GPATCH1: variants seen among roughly 807,000 people sequenced by gnomAD.
GPATCH1 encodes G patch domain-containing protein 1.
Under a neutral mutation model 114.9 loss-of-function variants are expected in GPATCH1, and 73 were observed. That is an observed-to-expected ratio of 0.64 (90% CI 0.53 to 0.77). The LOEUF is 0.77. GPATCH1 is among the 30% of genes least tolerant of loss of function. The pLI is 0.00. For synonymous variants in GPATCH1, 391 were observed against 428.4 expected (o/e 0.91, Z 1.08); for missense variants, 1,058 against 1,144.3 (o/e 0.92, Z 1.09).
intron 7 of GPATCH1, among the ~76,000 whole-genome samples, chr19:33,097,277 A>G (rs1398171509): frequency 6.6e-6 from 1 of 151,564 alleles, no homozygotes; most frequent in Non-Finnish European, 1.5e-5. Context: ...TTTTTTTTTC[A>G]GTCTTTTAAA....
chr19:33,116,191 A>G (rs546525894), intron 15 of GPATCH1, among the ~76,000 whole-genome samples: 3 of 152,306 alleles, frequency 2.0e-5, no homozygotes, highest in Admixed American at 6.5e-5. Context: ...TGTCTTACAT[A>G]TTACATGTAC....
At position 33,112,551 on chromosome 19, in the gene GPATCH1, G is replaced by A. The variant is rs748616321; in HGVS notation, c.1830G>A (p.Thr610=). The change falls in exon 13 of 20, where the codon ACG becomes ACA. Residue 610 remains threonine (T), a synonymous_variant. Coordinates refer to ENST00000170564, the MANE Select transcript of GPATCH1 (RefSeq NM_018025.3). The part of the protein sequence containing the change: ...MKMFGKLTRD[T]FEWHPDKLLC... ...TGTTTGGGAAGCTCACCCGAGACAC[G>A]TTTGAGTGGCACCCTGACAAGCTTC... The A allele has an allele frequency of 6.4e-5, 104 of 1,613,762 alleles. No homozygotes were observed. The highest frequency in any genetic ancestry group is 7.6e-5 in the Non-Finnish European group (90 of 1,179,814).
intron 1 of GPATCH1, among the ~76,000 whole-genome samples, chr19:33,081,723 C>T (rs759103989): frequency 2.0e-5 from 3 of 152,102 alleles, no homozygotes; most frequent in Non-Finnish European, 4.4e-5. Context: ...GGTATGGTTG[C>T]AGCAGATGAC....
intron 9 of GPATCH1, among the ~76,000 whole-genome samples, chr19:33,102,473 C>T (rs560136005): frequency 5.3e-5 from 8 of 150,580 alleles, no homozygotes; most frequent in East Asian, 2.0e-4. Context: ...CTCAGCTCAC[C>T]GCAACCTCCG....
At position 33,106,837 on chromosome 19, in the gene GPATCH1, A is replaced by G. The variant is rs1187568490; in HGVS notation, c.1223A>G (p.His408Arg). 1 of 1,614,158 alleles carries G rather than the reference A, an allele frequency of 6.2e-7. No individual in the cohort carries two copies. The highest frequency in any genetic ancestry group is 1.7e-5 in the Admixed American group (1 of 60,014). Residue 408 changes from histidine to arginine, a missense_variant, in exon 10 of 20, where the codon CAC (histidine) becomes CGC (arginine). By Grantham distance (29) the His-to-Arg change is conservative (BLOSUM62 0). Around this residue, in one of 3 missense-constraint regions of GPATCH1, gnomAD observed 893 missense variants for 977.4 expected, o/e 0.91. Transcript: ENST00000170564. The part of the protein sequence containing the change: ...AGKATPDPGT[H>R]SKHQLNASKR... The stretch of plus-strand genomic sequence containing the variant: ...AAGGCAACGCCTGACCCAGGGACAC[A>G]CAGTAAGCACCAACTGAATGCCTCC...
rs750744066 is a variant in GPATCH1, at chr19:33,106,699, A to G, written c.1085A>G (p.Tyr362Cys). 4 of 1,612,484 alleles carry G rather than the reference A, an allele frequency of 2.5e-6. No homozygotes were observed. The highest frequency in any genetic ancestry group is 3.3e-5 in the Admixed American group (2 of 59,994). Reference sequence around the variant, plus strand: ...GTTTTGTCTTGGTTTGTTAAGATCTATCCACCTCCAGAGCTGCCAAGAGAC... The same window carrying G: ...GTTTTGTCTTGGTTTGTTAAGATCTGTCCACCTCCAGAGCTGCCAAGAGAC... The part of the protein sequence containing the change: ...ASKPLSSKKI[Y>C]PPPELPRDYR... The change falls in exon 10 of 20, where the codon TAT becomes TGT. Residue 362 changes from tyrosine to cysteine, a missense_variant. Around this residue, in one of 3 missense-constraint regions of GPATCH1, gnomAD observed 893 missense variants for 977.4 expected, o/e 0.91. Coordinates refer to ENST00000170564, the MANE Select transcript of GPATCH1 (RefSeq NM_018025.3).
intron 16 of GPATCH1, 100 bp from the exon 17 acceptor site, chr19:33,118,909 TG>T: frequency 1.5e-6 from 1 of 655,616 alleles, no homozygotes. Flanking sequence ...TGAAGTGGTG[TG>T]GGCAAGCATA....
chr19:33,120,818 T>C (rs1249716718), intron 17 of GPATCH1, among the ~76,000 whole-genome samples: 9 of 151,632 alleles, frequency 5.9e-5, no homozygotes, highest in African/African-American at 1.9e-4. Context: ...TGAAACCCCA[T>C]CTGTACTAAA....
chr19:33,129,118 G>T (rs1304830245), intron 19 of GPATCH1, among the ~76,000 whole-genome samples: 1 of 151,944 alleles, frequency 6.6e-6, no homozygotes, highest in African/African-American at 2.4e-5. Context: ...GTGGTGGCAC[G>T]TGCCTGTAGT....
intron 17 of GPATCH1, among the ~76,000 whole-genome samples, chr19:33,119,429 G>A (rs540052164): frequency 1.3e-5 from 2 of 152,276 alleles, no homozygotes; most frequent in South Asian, 4.1e-4. Flanking sequence ...GCCGGGCACA[G>A]TGGCTCATGC....
At chr19:33,088,319 A>G in intron 2 of GPATCH1, 51 bp downstream of exon 2, 1 of 1,311,082 alleles carries the variant, frequency 7.6e-7, no homozygotes, top group Non-Finnish European at 1.1e-6. Flanking sequence ...AATGATCAAA[A>G]TATTGATTCT....
intron 1 of GPATCH1, among the ~76,000 whole-genome samples, chr19:33,085,376 TG>T (rs1443683546): frequency 1.3e-5 from 2 of 151,946 alleles, no homozygotes; most frequent in African/African-American, 4.8e-5. Context: ...CATACCACCA[TG>T]CCCGGCTAAT....
rs1216785000 is a variant in GPATCH1, at chr19:33,112,521, G to A, written c.1800G>A (p.Met600Ile). The change falls in exon 13 of 20, where the codon ATG (methionine) becomes ATA (isoleucine). Residue 600 changes from methionine (M) to isoleucine (I), a missense_variant. Physicochemically the swap from Met to Ile is conservative, Grantham distance 10. Around this residue, in one of 3 missense-constraint regions of GPATCH1, gnomAD observed 893 missense variants for 977.4 expected, o/e 0.91. Transcript: ENST00000170564. ...DVGDKQSAVK[M>I]KMFGKLTRDT... Reference sequence around the variant, plus strand: ...GGGATAAGCAGTCGGCTGTGAAGATGAAGATGTTTGGGAAGCTCACCCGAG... The same window carrying A: ...GGGATAAGCAGTCGGCTGTGAAGATAAAGATGTTTGGGAAGCTCACCCGAG... 1 of 1,614,072 alleles carries A rather than the reference G, an allele frequency of 6.2e-7. No individual in the cohort carries two copies. The highest frequency in any genetic ancestry group is 8.5e-7 in the Non-Finnish European group (1 of 1,179,988).
At chr19:33,088,324 G>T in intron 2 of GPATCH1, 56 bp downstream of exon 2, 2 of 1,248,688 alleles carry the variant, frequency 1.6e-6, no homozygotes, top group East Asian at 2.5e-5. Context: ...TCAAAATATT[G>T]ATTCTCCCTC....
chr19:33,082,399 G>T (rs923432823), intron 1 of GPATCH1, among the ~76,000 whole-genome samples: 1 of 152,174 alleles, frequency 6.6e-6, no homozygotes, highest in Non-Finnish European at 1.5e-5. Flanking sequence ...TGTTGGTGGG[G>T]GTCCCCTCCC....
intron 1 of GPATCH1, among the ~76,000 whole-genome samples, chr19:33,083,243 C>CAAAAAAAAA (rs759998717): frequency 1.6e-5 from 1 of 61,682 alleles, no homozygotes; most frequent in African/African-American, 5.9e-5. Flanking sequence ...GACTCTGTCT[C>CAAAAAAAAA]AAAAAAAAAA....
At chr19:33,097,359 G>A (rs569050127) in intron 7 of GPATCH1, among the ~76,000 whole-genome samples, 18 of 152,328 alleles carry the variant, frequency 1.2e-4, no homozygotes, top group Admixed American at 9.2e-4. Flanking sequence ...TAGAGTAGCA[G>A]CGGCCCTTAG....
intron 1 of GPATCH1, among the ~76,000 whole-genome samples, chr19:33,086,470 T>A (rs147004141): frequency 2.7e-4 from 41 of 152,178 alleles, no homozygotes; most frequent in African/African-American, 9.9e-4. Flanking sequence ...ATGACAAATT[T>A]TTTTTCTTTT....
intron 8 of GPATCH1, among the ~76,000 whole-genome samples, chr19:33,099,606 T>C (rs1167843951): frequency 6.7e-6 from 1 of 149,880 alleles, no homozygotes; most frequent in Non-Finnish European, 1.5e-5. Flanking sequence ...ATTTTTAAAT[T>C]TTTTTTTTTT....
Sources: gnomAD v4.1 joint callset for allele counts (sites outside exome capture counted in the v4.1 genomes callset) on GRCh38, gnomAD v4.1.1 for gene constraint, gnomAD v4.1.1 regional missense constraint, MANE v1.5 for transcripts, NCBI Gene and HGNC (gene_info 2026-07-23, HGNC 2026-07-21) for gene names.